MICAL2: variants seen among roughly 807,000 people sequenced by gnomAD.
MICAL2 encodes [F-actin]-monooxygenase MICAL2.
Under a neutral mutation model 127.3 loss-of-function variants are expected in MICAL2, and 77 were observed. The observed-to-expected ratio is 0.60, with a 90% CI of 0.50 to 0.73. MICAL2 has a LOEUF of 0.73. MICAL2 is among the 30% of genes least tolerant of loss of function. The pLI is 0.00. For missense variants in MICAL2, 1,351 were observed against 1,434.4 expected (o/e 0.94, Z 0.94); for synonymous variants, 570 against 551.1 (o/e 1.03, Z -0.48).
chr11:12,290,751 G>A (rs1390090561), downstream of MICAL2, among the ~76,000 whole-genome samples: 3 of 152,186 alleles, frequency 2.0e-5, no homozygotes, highest in African/African-American at 4.8e-5. Flanking sequence ...CTTGCTGACC[G>A]TGTGCGTGTG....
intron 2 of MICAL2, among the ~76,000 whole-genome samples, chr11:12,281,962 C>T (rs895294900): frequency 5.9e-5 from 9 of 152,332 alleles, no homozygotes; most frequent in Non-Finnish European, 1.0e-4. Flanking sequence ...CGGAAACTTG[C>T]TGCCCAATGG....
intron 29 of MICAL2, among the ~76,000 whole-genome samples, chr11:12,316,210 A>T (rs934121843): frequency 4.6e-5 from 7 of 151,980 alleles, no homozygotes; most frequent in African/African-American, 1.7e-4. Flanking sequence ...GCTTTTTTAA[A>T]ATCCAGTCTG....
In MICAL2 at chr11:12,269,025, C is replaced by T. The variant is rs144798879; in HGVS notation, c.3335-6961C>T. Among the ~76,000 whole-genome samples the T allele has an allele frequency of 3.5e-3, 536 of 152,200 alleles. 8 individuals carry two copies. Among genetic ancestry groups the T allele is most frequent in the African/African-American group, 0.013 (522 of 41,516 alleles). On this transcript the variant is annotated intron_variant, in intron 24 of 34. Coordinates refer to the MICAL2 transcript ENST00000646065. Reference sequence around the variant, plus strand: ...AGGAAAAAAAAAAATAAGAGTCCAACTCTTCCATTTGTAGGAGCCTAGAAA... The same window carrying T: ...AGGAAAAAAAAAAATAAGAGTCCAATTCTTCCATTTGTAGGAGCCTAGAAA...
chr11:12,281,202 G>A (rs910319858), intron 2 of MICAL2: 18 of 397,932 alleles, frequency 4.5e-5, no homozygotes, highest in East Asian at 7.1e-5. Context: ...AGGAAGCCTC[G>A]CCCTCAGGCT....
intron 2 of MICAL2, among the ~76,000 whole-genome samples, chr11:12,282,982 T>G (rs867989788): frequency 1.3e-5 from 2 of 152,352 alleles, no homozygotes; most frequent in Middle Eastern, 3.4e-3. Flanking sequence ...AAGCATTTTG[T>G]TTCTGACAGT....
At chr11:12,122,385 C>T (rs978856070) in intron 1 of MICAL2, among the ~76,000 whole-genome samples, 4 of 152,142 alleles carry the variant, frequency 2.6e-5, no homozygotes, top group Admixed American at 2.6e-4. Context: ...TCGGTACTGG[C>T]CCCTAAGTGC....
chr11:12,292,363 C>T (rs531625025), downstream of MICAL2: 1 of 1,537,324 alleles, frequency 6.5e-7, no homozygotes, highest in Non-Finnish European at 9.0e-7. Context: ...TTCCCACCTT[C>T]CACACTTATC....
intron 3 of MICAL2, among the ~76,000 whole-genome samples, chr11:12,167,387 T>C (rs1170572052): frequency 2.0e-5 from 3 of 152,138 alleles, no homozygotes; most frequent in Non-Finnish European, 4.4e-5. Flanking sequence ...CCCCGGTTTG[T>C]GCTCGAGGGC....
intron 29 of MICAL2, among the ~76,000 whole-genome samples, chr11:12,309,387 C>G (rs936084522): frequency 1.3e-5 from 2 of 152,078 alleles, no homozygotes; most frequent in Non-Finnish European, 2.9e-5. Flanking sequence ...TCCATGAGAT[C>G]CACTTTTTCA....
chr11:12,279,107 G>A (rs4757330), intron 1 of MICAL2, among the ~76,000 whole-genome samples: 42,720 of 152,086 alleles, frequency 0.28, 7,128 homozygotes, highest in East Asian at 0.7. Flanking sequence ...AGTGGAGAAG[G>A]AGCTAGCAAA....
chr11:12,282,670 C>T (rs10500755), intron 2 of MICAL2, among the ~76,000 whole-genome samples: 60,929 of 151,996 alleles, frequency 0.4, 13,141 homozygotes, highest in East Asian at 0.78. Flanking sequence ...AACATCGTTA[C>T]TCTCATTGTT....
chr11:12,271,389 A>T (rs1350333964), upstream of MICAL2, among the ~76,000 whole-genome samples: 1 of 152,214 alleles, frequency 6.6e-6, no homozygotes, highest in Non-Finnish European at 1.5e-5. Flanking sequence ...GTGGGCATGC[A>T]GCACAGGTGA....
At chr11:12,318,926 A>G (rs1175988486) in intron 29 of MICAL2, among the ~76,000 whole-genome samples, 1 of 152,164 alleles carries the variant, frequency 6.6e-6, no homozygotes, top group Non-Finnish European at 1.5e-5. Flanking sequence ...ATCTCCTCGA[A>G]TTCGGCTCTC....
chr11:12,146,627 G>C (rs1852937705), intron 2 of MICAL2, among the ~76,000 whole-genome samples: 1 of 152,156 alleles, frequency 6.6e-6, no homozygotes, highest in Non-Finnish European at 1.5e-5. Flanking sequence ...CTGTAAACTA[G>C]TTCAACCATT....
chr11:12,142,909 T>C (rs941501017), intron 2 of MICAL2, among the ~76,000 whole-genome samples: 2 of 152,170 alleles, frequency 1.3e-5, no homozygotes, highest in Non-Finnish European at 2.9e-5. Context: ...TGGGGAAAAA[T>C]AGGCAAGGCA....
chr11:12,210,524 C>T (rs1855320650), intron 6 of MICAL2, among the ~76,000 whole-genome samples: 1 of 152,206 alleles, frequency 6.6e-6, no homozygotes, highest in African/African-American at 2.4e-5. Flanking sequence ...CCATCTGCCA[C>T]ATAACTGGGG....
downstream of MICAL2, chr11:12,293,634 G>A (rs186750768): frequency 1.4e-5 from 22 of 1,613,994 alleles, no homozygotes; most frequent in African/African-American, 1.1e-4. Context: ...TTTCGGAGGC[G>A]AGCCGTAGCC....
chr11:12,354,648 T>C, intron 33 of MICAL2: 1 of 680,904 alleles, frequency 1.5e-6, no homozygotes, highest in Admixed American at 3.0e-5. Flanking sequence ...ATAATTACAA[T>C]AAAAAATAAA....
downstream of MICAL2, among the ~76,000 whole-genome samples, chr11:12,289,661 C>T (rs1224118027): frequency 6.6e-6 from 1 of 150,462 alleles, no homozygotes; most frequent in East Asian, 2.0e-4. Flanking sequence ...CTCCGCCTCC[C>T]AGGTTCAAGT....
Sources: allele counts gnomAD v4.1 joint callset (sites outside exome capture counted in the v4.1 genomes callset), GRCh38; gene constraint gnomAD v4.1.1; transcripts MANE v1.5; gene names NCBI Gene and HGNC (gene_info 2026-07-23, HGNC 2026-07-21).